THBS4: variants seen among roughly 807,000 people sequenced by gnomAD.
THBS4 encodes thrombospondin 4, also known as thrombospondin-4.
Under a neutral mutation model 115.7 loss-of-function variants are expected in THBS4, and 90 were observed. That is an observed-to-expected ratio of 0.78 (90% confidence interval 0.66 to 0.93). The LOEUF is 0.93. Ranked by LOEUF, THBS4 falls within the 40% of genes least tolerant of loss-of-function variation. The pLI is 0.00. For synonymous variants in THBS4, 460 were observed against 479.3 expected (o/e 0.96, Z 0.53); for missense variants, 1,087 against 1,232.7 (o/e 0.88, Z 1.77).
At chr5:80,007,733 A>G (rs1832046391) in intron 2 of THBS4, among the ~76,000 whole-genome samples, 1 of 152,144 alleles carries the variant, frequency 6.6e-6, no homozygotes, top group Non-Finnish European at 1.5e-5. Flanking sequence ...ACCTCAACCA[A>G]AATGCCGGGC....
At chr5:80,078,711 A>G (rs1293644671) in intron 17 of THBS4, 3 of 495,918 alleles carry the variant, frequency 6.0e-6, no homozygotes, top group Non-Finnish European at 1.1e-5. Flanking sequence ...ACTTATTTCT[A>G]TTCAGCTTTG....
intron 20 of THBS4, among the ~76,000 whole-genome samples, chr5:80,081,443 A>G (rs1743501831): frequency 6.6e-6 from 1 of 152,230 alleles, no homozygotes; most frequent in African/African-American, 2.4e-5. Context: ...AATAAGAATA[A>G]TTTATAACAA....
At chr5:80,004,702 C>T (rs1580903598) in intron 2 of THBS4, among the ~76,000 whole-genome samples, 1 of 152,110 alleles carries the variant, frequency 6.6e-6, no homozygotes, top group Non-Finnish European at 1.5e-5. Flanking sequence ...TTACACATGG[C>T]AAGTGAAAGA....
chr5:80,017,812 C>G (rs1832280200), intron 2 of THBS4, among the ~76,000 whole-genome samples: 1 of 151,990 alleles, frequency 6.6e-6, no homozygotes, highest in Admixed American at 6.6e-5. Flanking sequence ...TCTTAAATGT[C>G]TTTTATTTTA....
At chr5:80,064,839 G>A (rs1833758432) in intron 8 of THBS4, among the ~76,000 whole-genome samples, 1 of 151,748 alleles carries the variant, frequency 6.6e-6, no homozygotes, top group Non-Finnish European at 1.5e-5. Flanking sequence ...TAATAGATGG[G>A]CAAAACAGAT....
Position 80,061,689 on chromosome 5 carries a change from C to G in THBS4, c.988-6C>G. On this transcript the variant is annotated splice_region_variant and splice_polypyrimidine_tract_variant and intron_variant, in intron 7 of 21. Transcript: ENST00000350881. Reference sequence around the variant, plus strand: ...GGCTAAAGACTTTGAACTTTTTTGTCTCCAGTGCAAATACCATCCCTGCTA... The same window carrying G: ...GGCTAAAGACTTTGAACTTTTTTGTGTCCAGTGCAAATACCATCCCTGCTA... 1 of 1,599,206 alleles carries G rather than the reference C, an allele frequency of 6.3e-7. No homozygotes were observed. Among genetic ancestry groups the G allele is most frequent in the Non-Finnish European group, 8.5e-7 (1 of 1,172,286 alleles).
In THBS4 at chr5:80,078,210, TG is replaced by T. The variant is rs1167153036; in HGVS notation, c.2251del (p.Val751TrpfsTer3). 1 of 1,594,828 alleles carries T rather than the reference TG, an allele frequency of 6.3e-7. No individual in the cohort carries two copies. The highest frequency in any genetic ancestry group is 8.6e-7 in the Non-Finnish European group (1 of 1,166,320). On this transcript the variant is annotated frameshift_variant, in exon 17 of 22. Transcript: ENST00000350881. LOFTEE classifies it high-confidence loss of function. ...PEGDAQIDPN[W>X]VVLNQGMEIV... is the part of the protein sequence containing the mutation. ...AGGGGATGCCCAGATCGATCCCAAC[TG>T]GGTGGTCCTGAACCAGGTGAGTGTC...
At chr5:80,038,119 G>A (rs1832774542) in intron 1 of THBS4, among the ~76,000 whole-genome samples, 1 of 151,916 alleles carries the variant, frequency 6.6e-6, no homozygotes, top group Admixed American at 6.6e-5. Flanking sequence ...TATTACAAAA[G>A]CAATACCTGC....
At chr5:80,021,176 T>G (rs1293708370) in intron 2 of THBS4, among the ~76,000 whole-genome samples, 3 of 152,152 alleles carry the variant, frequency 2.0e-5, no homozygotes, top group African/African-American at 4.8e-5. Context: ...TGAGGATTCC[T>G]GGGGGTACCT....
At chr5:80,010,370 T>C (rs551493213) in intron 2 of THBS4, among the ~76,000 whole-genome samples, 1 of 152,324 alleles carries the variant, frequency 6.6e-6, no homozygotes, top group East Asian at 1.9e-4. Context: ...GGTAGAAGTA[T>C]GCAGTGGTCA....
chr5:80,036,015 C>T, intron 1 of THBS4: 2 of 1,005,578 alleles, frequency 2.0e-6, no homozygotes, highest in African/African-American at 3.4e-5. Context: ...CTAAATCCTT[C>T]CTCAGGCGGA....
At chr5:79,991,912 C>T (rs1486711802) in intron 1 of THBS4, among the ~76,000 whole-genome samples, 2 of 152,186 alleles carry the variant, frequency 1.3e-5, no homozygotes, top group Non-Finnish European at 2.9e-5. Context: ...ATTGTAGCTT[C>T]TCTCCCTAGC....
chr5:80,067,943 A>C lies in THBS4; in HGVS notation c.1195-30A>C, dbSNP rs758751876. 8.1e-6 allele frequency: 13 copies of C among 1,610,184 alleles called. No individual in the cohort carries two copies. The African/African-American group carries it at 1.6e-4, about 20-fold the overall frequency. On this transcript the variant is annotated intron_variant, in intron 9 of 21. Transcript: ENST00000350881. Reference sequence around the variant, plus strand: ...AACTGTACCTTTGCCCACAGCTTTCAGCTCATCACCTGATCTTTGTTCCTT... The same window carrying C: ...AACTGTACCTTTGCCCACAGCTTTCCGCTCATCACCTGATCTTTGTTCCTT...
Position 80,079,980 on chromosome 5 carries a change from G to A in THBS4, c.2587G>A (p.Val863Ile). The A allele has an allele frequency of 6.2e-7, 1 of 1,614,110 alleles. No homozygotes were observed. Among genetic ancestry groups the A allele is most frequent in the Non-Finnish European group, 8.5e-7 (1 of 1,180,008 alleles). Residue 863 changes from valine to isoleucine, a missense_variant, in exon 20 of 22, where the codon GTC becomes ATC. Val to Ile is a conservative substitution (Grantham distance 29). Around this residue, in one of 3 missense-constraint regions of THBS4, gnomAD observed 5 missense variants for 20.8 expected, o/e 0.24. Transcript: ENST00000350881. ...GCACACGGGGGACACCAGTGACCAGGTCAGGCTGCTGTGGAAGGACTCCAG... is the reference window on the plus strand; with the variant it reads ...GCACACGGGGGACACCAGTGACCAGATCAGGCTGCTGTGGAAGGACTCCAG... ...LWHTGDTSDQ[V>I]RLLWKDSRNV...
chr5:80,080,759 G>T (rs1272899707), intron 20 of THBS4, among the ~76,000 whole-genome samples: 1 of 151,528 alleles, frequency 6.6e-6, no homozygotes, highest in Non-Finnish European at 1.5e-5. Context: ...GCTAATTTTT[G>T]TATTTTTAGT....
intron 8 of THBS4, 30 bp from the exon 9 acceptor site, chr5:80,065,379 C>A (rs756635925): frequency 1.3e-6 from 2 of 1,597,510 alleles, no homozygotes; most frequent in Non-Finnish European, 1.7e-6. Flanking sequence ...GCATGTCTCG[C>A]TAAACTTTCT....
At chr5:80,047,236 A>G (rs763098087) in intron 2 of THBS4, among the ~76,000 whole-genome samples, 12 of 152,210 alleles carry the variant, frequency 7.9e-5, no homozygotes, top group Non-Finnish European at 1.3e-4. Flanking sequence ...AAAGAAGCTA[A>G]GAGTCCCACT....
chr5:80,054,724 C>CA (rs1833367519), intron 2 of THBS4, among the ~76,000 whole-genome samples: 1 of 152,102 alleles, frequency 6.6e-6, no homozygotes, highest in Non-Finnish European at 1.5e-5. Flanking sequence ...CTCGGCCTCC[C>CA]AAAGTGCTCG....
In THBS4 at chr5:80,076,467, G is replaced by A. The variant is rs1299267834; in HGVS notation, c.1893-388G>A. ...TCAGGTGTCATGCCTGAGGTCACAC[G>A]CTGGGCACAGTGGCTGAGCCAGGAT... is the stretch of plus-strand genomic sequence containing the variant. On this transcript the variant is annotated intron_variant, in intron 15 of 21. Transcript: ENST00000350881. 3.3e-5 allele frequency among the ~76,000 whole-genome samples: 5 copies of A among 152,182 alleles called. No individual in the cohort carries two copies. In the South Asian group the frequency reaches 6.2e-4, roughly 19 times the overall value.
Sources: allele counts gnomAD v4.1 joint callset (sites outside exome capture counted in the v4.1 genomes callset), GRCh38; gene constraint gnomAD v4.1.1; regional missense constraint gnomAD v4.1.1; transcripts MANE v1.5; gene names NCBI Gene and HGNC (gene_info 2026-07-23, HGNC 2026-07-21).